The following IRF4 variants were observed in gnomAD, a reference collection of about 807,000 sequenced individuals.
IRF4 encodes the protein lymphocyte-specific interferon regulatory factor.
In IRF4, 13 loss-of-function variants were observed where a neutral mutation model predicts 55.5. The ratio of observed to expected loss-of-function variants is 0.23; its 90% confidence interval spans 0.15 to 0.37. The LOEUF (loss-of-function observed/expected upper bound fraction) is 0.37, where lower values mean the gene tolerates loss of function less well. Among genes scored for constraint, IRF4 ranks in the 10% least tolerant of loss-of-function variants. The probability of loss-of-function intolerance (pLI) is 1.00; values close to 1 mark genes in which losing one functional copy is unlikely to be tolerated. For missense variants in IRF4, 397 were observed against 593.8 expected (o/e 0.67, Z 3.44); for synonymous variants, 249 against 240.7 (o/e 1.03, Z -0.32).
rs1355040860 is a variant in IRF4 at position 410,309 on chromosome 6, A to G, written c.*2711A>G. 4.4e-6 allele frequency: 1 copy of G among 227,102 alleles called. No individual in the cohort carries two copies. Among genetic ancestry groups the G allele is most frequent in the Admixed American group, 5.7e-5 (1 of 17,576 alleles). The allele number at this position is 227,102 out of a possible 1,614,324, so 14.1% of individuals were successfully genotyped here. On this transcript the variant is annotated 3_prime_UTR_variant, in exon 9 of 9. Transcript: ENST00000380956. ...TTTAGGAAAACCTCAAGCAGTAATT[A>G]ATATCTCCTGGAACACTATAGAGAA...
intron 6 of IRF4, among the ~76,000 whole-genome samples, chr6:400,082 C>T (rs574513499): frequency 1.2e-4 from 18 of 152,230 alleles, no homozygotes; most frequent in East Asian, 1.2e-3. Flanking sequence ...CACCCACTCT[C>T]TTTGGGGCGC....
chr6:393,053 G>C lies in IRF4; in HGVS notation c.-55-45G>C. The C allele has an allele frequency of 8.9e-7, 1 of 1,117,414 alleles. No homozygotes were observed. Among genetic ancestry groups the C allele is most frequent in the Non-Finnish European group, 1.3e-6 (1 of 793,782 alleles). 69.2% of individuals were successfully genotyped at this position (1,117,414 alleles called of 1,614,324 possible). Reference sequence around the variant, plus strand: ...CGCAGGGGATCGGGGCGGGGTGCCCGGAGTGCGGTGCCTCGTGGCTGAAGG... The same window carrying C: ...CGCAGGGGATCGGGGCGGGGTGCCCCGAGTGCGGTGCCTCGTGGCTGAAGG... On this transcript the variant is annotated intron_variant, in intron 1 of 8. Transcript: ENST00000380956. This position sits in a 1 kb window ranked among gnomAD's most constrained non-coding sequence, Gnocchi z 5.4.
At position 395,838 on chromosome 6, in the gene IRF4, A is replaced by T; in HGVS notation, c.404-9A>T. On this transcript the variant is annotated splice_polypyrimidine_tract_variant and intron_variant, in intron 3 of 8. Transcript: ENST00000380956. ...CGTTGTGCCATTTCCCTTTTCCCCA[A>T]ACATGTAGGAGCCAAGCAGCTCACC... is the stretch of plus-strand genomic sequence containing the variant. 1 of 1,611,032 alleles carries T rather than the reference A, an allele frequency of 6.2e-7. No individual in the cohort carries two copies. Among genetic ancestry groups the T allele is most frequent in the South Asian group, 1.1e-5 (1 of 90,536 alleles).
Position 397,234 on chromosome 6 carries a change from G to A in IRF4, c.619G>A (p.Gly207Ser), listed in dbSNP as rs1270389563. Residue 207 changes from glycine (G) to serine (S), a missense_variant, in exon 5 of 9, where the codon GGC becomes AGC. Transcript: ENST00000380956. ...TGGACCCCGCGGCCACCACTGGCAA[G>A]GCCCAGCTTGTGAAAATGGTAAGGA... Reference protein sequence around the residue: ...TFGPRGHHWQGPACENGCQVT... With the variant: ...TFGPRGHHWQSPACENGCQVT... 6.2e-7 allele frequency: 1 copy of A among 1,614,264 alleles called. No individual in the cohort carries two copies. Among genetic ancestry groups the A allele is most frequent in the South Asian group, 1.1e-5 (1 of 91,088 alleles).
chr6:394,946 C>T lies in IRF4; in HGVS notation c.342C>T (p.Ser114=). The T allele has an allele frequency of 6.2e-7, 1 of 1,614,178 alleles. No homozygotes were observed. The highest frequency in any genetic ancestry group is 1.1e-5 in the South Asian group (1 of 91,078). Residue 114 remains serine, a synonymous_variant, in exon 3 of 9, where the codon AGC becomes AGT. Transcript: ENST00000380956. ...SNDFEELVER[S]QLDISDPYKV... is the part of the protein sequence containing the mutation. ...ACTTTGAGGAACTGGTTGAGCGGAG[C>T]CAGCTGGACATCTCAGACCCGTACA...
chr6:392,532 T>G (rs1761132967), intron 1 of IRF4, among the ~76,000 whole-genome samples: 1 of 152,196 alleles, frequency 6.6e-6, no homozygotes, highest in Non-Finnish European at 1.5e-5. Context: ...GCGCGCTAGC[T>G]GGGCAGGGAT....
rs1761595623 is a variant in IRF4, at chr6:407,996, G to T, written c.*398G>T. On this transcript the variant is annotated 3_prime_UTR_variant, in exon 9 of 9. Coordinates refer to ENST00000380956, the MANE Select transcript of IRF4 (RefSeq NM_002460.4). ...TTATTTCAAAAGGAAGGGTGGCTTT[G>T]CATTTCTTGTGTTCTGTAGACTGCC... 5 of 288,738 alleles carry T rather than the reference G, an allele frequency of 1.7e-5. No individual in the cohort carries two copies. The highest frequency in any genetic ancestry group is 2.6e-5 in the Non-Finnish European group (4 of 154,134). 17.9% of individuals were successfully genotyped at this position (288,738 alleles called of 1,614,324 possible). A position where few individuals can be genotyped will look rare whatever the true frequency, so the allele number is the denominator to read the frequency against.
At chr6:392,802 G>A (rs1014430868) in intron 1 of IRF4, among the ~76,000 whole-genome samples, 2 of 152,244 alleles carry the variant, frequency 1.3e-5, no homozygotes, top group African/African-American at 4.8e-5. Flanking sequence ...GAGGGTGCAA[G>A]ACGAGCGGCG....
chr6:399,608 T>A (rs1761350545), intron 6 of IRF4, among the ~76,000 whole-genome samples: 1 of 152,208 alleles, frequency 6.6e-6, no homozygotes, highest in Non-Finnish European at 1.5e-5. Flanking sequence ...ATTTTTCAGA[T>A]AATATTTTGG....
chr6:397,356 C>T, intron 5 of IRF4, 104 bp downstream of exon 5: 1 of 1,378,412 alleles, frequency 7.3e-7, no homozygotes, highest in Non-Finnish European at 1.0e-6. Flanking sequence ...GCTCTTTCCC[C>T]TTCTTAGAGG....
chr6:401,385 T>G (rs1761395444), intron 6 of IRF4, 39 bp from the exon 7 acceptor site: 3 of 1,523,670 alleles, frequency 2.0e-6, no homozygotes, highest in Non-Finnish European at 2.7e-6. Context: ...GGTGGTGTCC[T>G]TGGCCCCCAG....
intron 6 of IRF4, 137 bp from the exon 7 acceptor site, chr6:401,287 A>G (rs1018636969): frequency 7.7e-6 from 5 of 645,954 alleles, no homozygotes; most frequent in African/African-American, 1.8e-5. Flanking sequence ...GGCCTCCTTG[A>G]CGCGGGAACC....
rs2127443885 is a variant in IRF4, at chr6:409,347, CT to C, written c.*1755del. 1 of 197,134 alleles carries C rather than the reference CT, an allele frequency of 5.1e-6. No individual in the cohort carries two copies. The highest frequency in any genetic ancestry group is 1.1e-5 in the Non-Finnish European group (1 of 95,088). 12.2% of individuals were successfully genotyped at this position (197,134 alleles called of 1,614,324 possible). The stretch of plus-strand genomic sequence containing the variant: ...ACAGCAAAAAAATAAAAAGGATCTC[CT>C]TTTTTCCCAGCCCAAATTCTCCTCT... On this transcript the variant is annotated 3_prime_UTR_variant, in exon 9 of 9. Transcript: ENST00000380956.
Position 393,403 on chromosome 6 carries a change from GGGA to G in IRF4, c.216+38_216+40del. 2 of 1,500,662 alleles carry G rather than the reference GGGA, an allele frequency of 1.3e-6. No homozygotes were observed. The highest frequency in any genetic ancestry group is 1.8e-6 in the Non-Finnish European group (2 of 1,114,312). 93.0% of individuals were successfully genotyped at this position (1,500,662 alleles called of 1,614,324 possible). On this transcript the variant is annotated intron_variant, in intron 2 of 8. Transcript: ENST00000380956. The surrounding 1 kb of genome is among the most constrained non-coding windows in gnomAD (Gnocchi z 5.4). ...CTCGGGAGCCGGCGGGGGCGCGCCG[GGGA>G]GGGCCCAGAGACAGAGCCCGGGGTC...
At chr6:395,969 A>G (rs755812276) in intron 4 of IRF4, 34 bp downstream of exon 4, 10 of 1,550,224 alleles carry the variant, frequency 6.5e-6, no homozygotes, top group Non-Finnish European at 8.9e-6. Context: ...CCTGAGGGCG[A>G]GGCTGTGTGG....
At position 407,825 on chromosome 6, in the gene IRF4, A is replaced by C. The variant is rs993291296; in HGVS notation, c.*227A>C. ...ACCCAAGACAAGTGATTTTCATTGT[A>C]AATATTTGACTTTAGTGAAAGCGTC... On this transcript the variant is annotated 3_prime_UTR_variant, in exon 9 of 9. Coordinates refer to ENST00000380956, the MANE Select transcript of IRF4 (RefSeq NM_002460.4). 11 of 495,298 alleles carry C rather than the reference A, an allele frequency of 2.2e-5. No homozygotes were observed. Among genetic ancestry groups the C allele is most frequent in the Admixed American group, 1.6e-4 (4 of 24,412 alleles). 30.7% of individuals were successfully genotyped at this position (495,298 alleles called of 1,614,324 possible). A position where few individuals can be genotyped will look rare whatever the true frequency, so the allele number is the denominator to read the frequency against.
rs572898114 is a variant in IRF4, at chr6:408,868, C to T, written c.*1270C>T. On this transcript the variant is annotated 3_prime_UTR_variant, in exon 9 of 9. Coordinates refer to ENST00000380956, the MANE Select transcript of IRF4 (RefSeq NM_002460.4). ...TGCTTATTTCATCTGTTCTATGCTT[C>T]CTCGTGCCAATTATAGTTTGACAGG... 1.9e-4 allele frequency: 45 copies of T among 232,644 alleles called. No homozygotes were observed. The highest frequency in any genetic ancestry group is 9.5e-4 in the African/African-American group (43 of 45,316). The allele number at this position is 232,644 out of a possible 1,614,324, so 14.4% of individuals were successfully genotyped here.
Position 396,481 on chromosome 6 carries a change from C to T in IRF4, c.492+546C>T, listed in dbSNP as rs1366131489. On this transcript the variant is annotated intron_variant, in intron 4 of 8. Transcript: ENST00000380956. ...AGTCTTTTCGGATGATAAAATGCTT[C>T]GGCTGTCAGTCTAATAAGGGATTCC... Among the ~76,000 whole-genome samples, 6 of 152,340 alleles carry T rather than the reference C, an allele frequency of 3.9e-5. 1 individual carries two copies. In the South Asian group the frequency reaches 1.0e-3, roughly 26 times the overall value.
intron 4 of IRF4, among the ~76,000 whole-genome samples, chr6:396,501 G>T (rs1761262166): frequency 6.6e-6 from 1 of 152,206 alleles, no homozygotes; most frequent in Non-Finnish European, 1.5e-5. Flanking sequence ...TCTAATAAGG[G>T]ATTCCCTGAG....
Sources: allele counts gnomAD v4.1 joint callset (sites outside exome capture counted in the v4.1 genomes callset), GRCh38; gene constraint gnomAD v4.1.1; non-coding constraint Gnocchi (gnomAD v3.1); transcripts MANE v1.5; gene names NCBI Gene and HGNC (gene_info 2026-07-23, HGNC 2026-07-21).